SMIM30: variants seen among roughly 807,000 people sequenced by gnomAD.
SMIM30 encodes long intergenic non-protein coding RNA 998.
For synonymous variants in SMIM30, 19 were observed against 11.5 expected, an observed-to-expected ratio of 1.65 and a Z score of -1.31; for missense variants, 43 against 27.6, an observed-to-expected ratio of 1.56 and a Z score of -1.25.
At position 113,117,525 on chromosome 7, in the gene SMIM30, C is replaced by A; in HGVS notation, c.54G>T (p.Val18=). ...CTTCTACTGCTTCCACAACAGGCAGCACCAAAAGCAGTGACATGAGGACTA... is the reference window on the plus strand; with the variant it reads ...CTTCTACTGCTTCCACAACAGGCAGAACCAAAAGCAGTGACATGAGGACTA... ...LSLVLMSLLL[V]LPVVEAVEAG... Residue 18 remains valine (V), a synonymous_variant, in exon 3 of 3, where the codon GTG becomes GTT. Coordinates refer to ENST00000397764, the MANE Select transcript of SMIM30 (RefSeq NM_001352688.2). 1.4e-6 allele frequency: 1 copy of A among 702,820 alleles called. No homozygotes were observed. The highest frequency in any genetic ancestry group is 2.6e-6 in the Non-Finnish European group (1 of 384,910). 43.5% of individuals were successfully genotyped at this position (702,820 alleles called of 1,614,324 possible). A position where few individuals can be genotyped will look rare whatever the true frequency, so the allele number is the denominator to read the frequency against.
At chr7:113,117,887 T>A in intron 2 of SMIM30, 181 bp downstream of exon 2, 1 of 396,078 alleles carries the variant, frequency 2.5e-6, no homozygotes, top group Non-Finnish European at 4.7e-6. Context: ...TGAACAGGAG[T>A]TCATAATTAA....
intron 2 of SMIM30, 87 bp downstream of exon 2, chr7:113,117,981 C>A: frequency 2.6e-6 from 1 of 379,122 alleles, no homozygotes; most frequent in Non-Finnish European, 5.1e-6. Flanking sequence ...TTCTTAGGGT[C>A]TCTCCCATCC....
chr7:113,117,764 A>G, intron 2 of SMIM30, 157 bp from the exon 3 acceptor site: 2 of 596,766 alleles, frequency 3.4e-6, no homozygotes, highest in South Asian at 3.9e-5. Flanking sequence ...GGAAAAACAG[A>G]GGGACGTTAA....
At position 113,117,586 on chromosome 7, in the gene SMIM30, G is replaced by A. The variant is rs761289647; in HGVS notation, c.-8C>T. ...TGTTGAAACTGAGGTCATGATGTTG[G>A]AATCTTGAGGGCTGAAGGTTCCTAG... On this transcript the variant is annotated 5_prime_UTR_variant, in exon 3 of 3. Transcript: ENST00000397764. 2.8e-6 allele frequency: 2 copies of A among 702,936 alleles called. No homozygotes were observed. The highest frequency in any genetic ancestry group is 2.0e-5 in the Admixed American group (1 of 50,014). 43.5% of individuals were successfully genotyped at this position (702,936 alleles called of 1,614,324 possible).
rs1794691815 is a variant in SMIM30, at chr7:113,117,049, T to G, written c.*350A>C. 1 of 251,716 alleles carries G rather than the reference T, an allele frequency of 4.0e-6. No individual in the cohort carries two copies. 15.6% of individuals were successfully genotyped at this position (251,716 alleles called of 1,614,324 possible). A position where few individuals can be genotyped will look rare whatever the true frequency, so the allele number is the denominator to read the frequency against. ...GGAGGCAGTGATTATAACCGAACAGTGGTGATTTCCTAAGATTCTGGGCAA... is the reference window on the plus strand; with the variant it reads ...GGAGGCAGTGATTATAACCGAACAGGGGTGATTTCCTAAGATTCTGGGCAA... On this transcript the variant is annotated 3_prime_UTR_variant, in exon 3 of 3. Transcript: ENST00000397764.
At chr7:113,117,767 G>A in intron 2 of SMIM30, 160 bp from the exon 3 acceptor site, 1 of 590,272 alleles carries the variant, frequency 1.7e-6, no homozygotes, top group Non-Finnish European at 3.0e-6. Context: ...AAAACAGAGG[G>A]ACGTTAAAGA....
rs1055322478 is a variant in SMIM30 at position 113,117,284 on chromosome 7, T to C, written c.*115A>G. On this transcript the variant is annotated 3_prime_UTR_variant, in exon 3 of 3. Transcript: ENST00000397764. ...GCCATTTCATGGAAACAATGAAAAA[T>C]GTGAAACTCCCTTATTTACTGATTC... 9.9e-6 allele frequency: 6 copies of C among 608,666 alleles called. No homozygotes were observed. Among genetic ancestry groups the C allele is most frequent in the Non-Finnish European group, 1.5e-5 (5 of 338,842 alleles). The allele number at this position is 608,666 out of a possible 1,614,324, so 37.7% of individuals were successfully genotyped here.
chr7:113,118,295 G>C, intron 1 of SMIM30, 134 bp from the exon 2 acceptor site: 1 of 422,562 alleles, frequency 2.4e-6, no homozygotes, highest in South Asian at 1.7e-5. Flanking sequence ...TAGGGGGATA[G>C]GTAATGAGTT....
At position 113,117,234 on chromosome 7, in the gene SMIM30, T is replaced by C. The variant is rs1274465577; in HGVS notation, c.*165A>G. On this transcript the variant is annotated 3_prime_UTR_variant, in exon 3 of 3. Transcript: ENST00000397764. ...TTTGTTGTAAAGAAAACATTTTTTT[T>C]TCAATTTATAAATGTATGTTTGTTG... 2 of 575,696 alleles carry C rather than the reference T, an allele frequency of 3.5e-6. No individual in the cohort carries two copies. The highest frequency in any genetic ancestry group is 3.7e-5 in the African/African-American group (2 of 53,616). 35.7% of individuals were successfully genotyped at this position (575,696 alleles called of 1,614,324 possible). A position where few individuals can be genotyped will look rare whatever the true frequency, so the allele number is the denominator to read the frequency against.
Position 113,117,551 on chromosome 7 carries a change from A to C in SMIM30, c.28T>G (p.Leu10Val), listed in dbSNP as rs569706459. Residue 10 changes from leucine to valine, a missense_variant, in exon 3 of 3, where the codon TTA (leucine) becomes GTA (valine). By Grantham distance (32) the Leu-to-Val change is conservative. Transcript: ENST00000397764. MTSVSTQLS[L>V]VLMSLLLVLP... ...ACCAAAAGCAGTGACATGAGGACTA[A>C]GGACAACTGTGTTGAAACTGAGGTC... The C allele has an allele frequency of 1.4e-5, 10 of 703,000 alleles. No individual in the cohort carries two copies. The East Asian group carries it at 2.4e-4, about 17-fold the overall frequency. The allele number at this position is 703,000 out of a possible 1,614,324, so 43.5% of individuals were successfully genotyped here.
intron 2 of SMIM30, 140 bp from the exon 3 acceptor site, chr7:113,117,747 T>C: frequency 3.3e-6 from 2 of 613,768 alleles, no homozygotes; most frequent in African/African-American, 1.8e-5. Flanking sequence ...CTCCTCATCT[T>C]ATAGGTGGAA....
Position 113,118,355 on chromosome 7 carries a change from C to A in SMIM30, c.-124+173G>T, listed in dbSNP as rs549064215. On this transcript the variant is annotated intron_variant, in intron 1 of 2. Transcript: ENST00000397764. Reference sequence around the variant, plus strand: ...CTAGACTTAAAAGTTGGTCAGTTCACCCACACAAGAAAAGGTAAAAAGAAA... The same window carrying A: ...CTAGACTTAAAAGTTGGTCAGTTCAACCACACAAGAAAAGGTAAAAAGAAA... 4 of 450,372 alleles carry A rather than the reference C, an allele frequency of 8.9e-6. No homozygotes were observed. The East Asian group carries it at 2.1e-4, about 24-fold the overall frequency. 27.9% of individuals were successfully genotyped at this position (450,372 alleles called of 1,614,324 possible).
In SMIM30 at chr7:113,117,434, C is replaced by T. The variant is rs1390099236; in HGVS notation, c.145G>A (p.Gly49Arg). 4.3e-6 allele frequency: 3 copies of T among 702,816 alleles called. No individual in the cohort carries two copies. The highest frequency in any genetic ancestry group is 4.0e-5 in the Admixed American group (2 of 49,968). The allele number at this position is 702,816 out of a possible 1,614,324, so 43.5% of individuals were successfully genotyped here. The change falls in exon 3 of 3, where the codon GGG becomes AGG. Residue 49 changes from glycine (G) to arginine (R), a missense_variant. Physicochemically the swap from Gly to Arg is moderately radical, Grantham distance 125 (BLOSUM62 -2). Coordinates refer to ENST00000397764, the MANE Select transcript of SMIM30 (RefSeq NM_001352688.2). ...LSITGICACLGVYARKRNGQM is the reference protein window; with the variant it reads ...LSITGICACLRVYARKRNGQM ...CCATTTCTTTTTCGTGCATATACCCCCAAGCAGGCACAAATGCCTGTAATG... is the reference window on the plus strand; with the variant it reads ...CCATTTCTTTTTCGTGCATATACCCTCAAGCAGGCACAAATGCCTGTAATG...
chr7:113,117,064 A>T lies in SMIM30; in HGVS notation c.*335T>A, dbSNP rs1178790418. 1 of 265,902 alleles carries T rather than the reference A, an allele frequency of 3.8e-6. No individual in the cohort carries two copies. Among genetic ancestry groups the T allele is most frequent in the African/African-American group, 2.2e-5 (1 of 45,390 alleles). 16.5% of individuals were successfully genotyped at this position (265,902 alleles called of 1,614,324 possible). On this transcript the variant is annotated 3_prime_UTR_variant, in exon 3 of 3. Coordinates refer to ENST00000397764, the MANE Select transcript of SMIM30 (RefSeq NM_001352688.2). The stretch of plus-strand genomic sequence containing the variant: ...AACCGAACAGTGGTGATTTCCTAAG[A>T]TTCTGGGCAAGAACTTCCTTCTTCC...
rs904277489 is a variant in SMIM30, at chr7:113,118,392, T to C, written c.-124+136A>G. 11 of 455,152 alleles carry C rather than the reference T, an allele frequency of 2.4e-5. No individual in the cohort carries two copies. The Admixed American group carries it at 2.6e-4, about 11-fold the overall frequency. 28.2% of individuals were successfully genotyped at this position (455,152 alleles called of 1,614,324 possible). ...AAGGTAAAAAGAAACAGAACAGAGATAATTTCATTTCAGGACTTGATATTA... is the reference window on the plus strand; with the variant it reads ...AAGGTAAAAAGAAACAGAACAGAGACAATTTCATTTCAGGACTTGATATTA... On this transcript the variant is annotated intron_variant, in intron 1 of 2. Coordinates refer to ENST00000397764, the MANE Select transcript of SMIM30 (RefSeq NM_001352688.2).
chr7:113,117,204 C>T lies in SMIM30; in HGVS notation c.*195G>A, dbSNP rs912547454. The T allele has an allele frequency of 5.5e-6, 3 of 544,054 alleles. No homozygotes were observed. In the African/African-American group the frequency reaches 5.7e-5, roughly 10 times the overall value. 33.7% of individuals were successfully genotyped at this position (544,054 alleles called of 1,614,324 possible). On this transcript the variant is annotated 3_prime_UTR_variant, in exon 3 of 3. Transcript: ENST00000397764. ...AAATTATAGGCTGCATTTTTCTGTG[C>T]ATTATTTGTTGTAAAGAAAACATTT... is the stretch of plus-strand genomic sequence containing the variant.
chr7:113,117,587 A>G lies in SMIM30; in HGVS notation c.-9T>C, dbSNP rs1319616148. ...GTTGAAACTGAGGTCATGATGTTGG[A>G]ATCTTGAGGGCTGAAGGTTCCTAGA... On this transcript the variant is annotated 5_prime_UTR_variant, in exon 3 of 3. Transcript: ENST00000397764. 4.3e-6 allele frequency: 3 copies of G among 703,004 alleles called. No individual in the cohort carries two copies. The East Asian group carries it at 8.0e-5, about 19-fold the overall frequency. 43.5% of individuals were successfully genotyped at this position (703,004 alleles called of 1,614,324 possible).
At chr7:113,118,381 C>G (rs1180357476) in intron 1 of SMIM30, 147 bp downstream of exon 1, 1 of 454,146 alleles carries the variant, frequency 2.2e-6, no homozygotes, top group Non-Finnish European at 4.4e-6. Context: ...TAAAAAGAAA[C>G]AGAACAGAGA....
Position 113,117,148 on chromosome 7 carries a change from G to T in SMIM30, c.*251C>A, listed in dbSNP as rs142260327. On this transcript the variant is annotated 3_prime_UTR_variant, in exon 3 of 3. Transcript: ENST00000397764. ...TGAAATATTACTTATGTAAATTTCA[G>T]CCATCTTACTTCTTTGACTACCTAA... 4.2e-3 allele frequency: 1,831 copies of T among 433,788 alleles called. 81 individuals are homozygous for T. In the Admixed American group the frequency reaches 0.055, roughly 13 times the overall value. The allele number at this position is 433,788 out of a possible 1,614,324, so 26.9% of individuals were successfully genotyped here.
Sources: gnomAD v4.1 joint callset for allele counts on GRCh38, gnomAD v4.1.1 for gene constraint, MANE v1.5 for transcripts, NCBI Gene and HGNC (gene_info 2026-07-23, HGNC 2026-07-21) for gene names.